Variants in NSDHL observed in about 807,000 individuals in gnomAD.
The protein encoded by NSDHL is sterol-4-alpha-carboxylate 3-dehydrogenase, decarboxylating.
NSDHL carries 1 observed loss-of-function variant against 23.0 expected under a neutral mutation model. The observed-to-expected ratio is 0.04, with a 90% CI of 0.02 to 0.21. NSDHL has a LOEUF of 0.21. Among genes scored for constraint, NSDHL ranks in the 10% least tolerant of loss-of-function variants. The pLI, the probability that NSDHL is intolerant of heterozygous loss-of-function variation, is 1.00. For missense variants in NSDHL, 237 were observed against 300.9 expected (o/e 0.79, Z 1.57); for synonymous variants, 128 against 121.1 (o/e 1.06, Z -0.37).
intron 2 of NSDHL, among the ~76,000 whole-genome samples, chrX:152,848,053 G>A (rs1933301653): frequency 2.7e-5 from 3 of 109,725 alleles, no homozygotes; most frequent in South Asian, 4.0e-4. Context: ...TAGTAGAGAC[G>A]GGATTTCACC....
intron 3 of NSDHL, among the ~76,000 whole-genome samples, chrX:152,855,707 TTCC>T (rs1341443632): frequency 1.8e-5 from 2 of 112,035 alleles, no homozygotes; most frequent in African/African-American, 6.5e-5. Flanking sequence ...CATAGGAGAT[TTCC>T]TCCTCCCTGC....
At chrX:152,847,281 C>T (rs190953712) in intron 2 of NSDHL, among the ~76,000 whole-genome samples, 7 of 112,044 alleles carry the variant, frequency 6.2e-5, no homozygotes, top group Non-Finnish European at 1.3e-4. Flanking sequence ...CCAGCCTGGG[C>T]GACAGAGCGA....
chrX:152,840,318 T>C (rs782095137), intron 1 of NSDHL, among the ~76,000 whole-genome samples: 1 of 112,566 alleles, frequency 8.9e-6, no homozygotes, highest in Admixed American at 9.4e-5. Flanking sequence ...CTTGTCAAAG[T>C]CATTCTCCAT....
In NSDHL at chrX:152,862,641, G is replaced by A. The variant is rs868918302; in HGVS notation, c.460G>A (p.Asp154Asn). The part of the protein sequence containing the change: ...SSASVIFEGV[D>N]IKNGTEDLPY... Reference sequence around the variant, plus strand: ...TGCCAGTGTCATCTTTGAGGGCGTCGATATCAAGAATGGAACTGAAGACCT... The same window carrying A: ...TGCCAGTGTCATCTTTGAGGGCGTCAATATCAAGAATGGAACTGAAGACCT... Residue 154 changes from aspartate (D) to asparagine (N), a missense_variant, in exon 5 of 8, where the codon GAT (aspartate) becomes AAT (asparagine). This residue lies in a region of NSDHL where 39 missense variants were observed against 98.1 expected (regional missense o/e 0.40). Coordinates refer to ENST00000370274, the MANE Select transcript of NSDHL (RefSeq NM_015922.3). The A allele has an allele frequency of 8.3e-6, 10 of 1,201,090 alleles. No individual in the cohort carries two copies. The highest frequency in any genetic ancestry group is 7.0e-5 in the African/African-American group (4 of 56,830).
At chrX:152,864,626 G>A (rs1207793707) in intron 5 of NSDHL, among the ~76,000 whole-genome samples, 3 of 112,209 alleles carry the variant, frequency 2.7e-5, no homozygotes, top group Admixed American at 9.4e-5. Flanking sequence ...CCTTTCAGCC[G>A]AGGTTGACAT....
At chrX:152,848,692 T>A (rs1933311117) in intron 2 of NSDHL, among the ~76,000 whole-genome samples, 1 of 112,141 alleles carries the variant, frequency 8.9e-6, no homozygotes, top group African/African-American at 3.2e-5. Context: ...CATATCTAGT[T>A]CTGACTGTCT....
At chrX:152,843,641 T>TC (rs1167885876) in intron 1 of NSDHL, among the ~76,000 whole-genome samples, 1 of 112,266 alleles carries the variant, frequency 8.9e-6, no homozygotes, top group Non-Finnish European at 1.9e-5. Flanking sequence ...CTACCAGGCC[T>TC]CCAAGGACCT....
intron 7 of NSDHL, 83 bp from the exon 8 acceptor site, chrX:152,868,701 G>T: frequency 3.6e-6 from 3 of 826,760 alleles, no homozygotes; most frequent in South Asian, 2.0e-5. Flanking sequence ...GTGAGAATGC[G>T]ATCTGCACGG....
chrX:152,846,497 G>T, intron 2 of NSDHL, 65 bp downstream of exon 2: 1 of 731,420 alleles, frequency 1.4e-6, no homozygotes. Flanking sequence ...GTGAAAAATT[G>T]TATTTGTACA....
chrX:152,863,628 G>T, intron 5 of NSDHL, among the ~76,000 whole-genome samples: 1 of 112,916 alleles, frequency 8.9e-6, no homozygotes, highest in Non-Finnish European at 1.9e-5. Context: ...TTCAGCCACG[G>T]TCGCTACCAA....
intron 3 of NSDHL, among the ~76,000 whole-genome samples, chrX:152,857,435 G>T (rs891627676): frequency 2.1e-4 from 24 of 112,292 alleles, no homozygotes; most frequent in African/African-American, 7.8e-4. Flanking sequence ...CACTGATGTG[G>T]TATTCTTGCC....
chrX:152,868,456 C>T (rs1189923709), intron 7 of NSDHL, among the ~76,000 whole-genome samples: 2 of 112,175 alleles, frequency 1.8e-5, no homozygotes, highest in African/African-American at 6.5e-5. Context: ...TGATTTAAAA[C>T]AAGCAGAACA....
chrX:152,849,787 A>G (rs781783370), intron 2 of NSDHL, among the ~76,000 whole-genome samples: 2 of 112,904 alleles, frequency 1.8e-5, no homozygotes, highest in Non-Finnish European at 3.7e-5. Context: ...TTGTCCTGCA[A>G]GTATGGAGAC....
At chrX:152,868,453 A>C (rs1569475416) in intron 7 of NSDHL, among the ~76,000 whole-genome samples, 1 of 112,129 alleles carries the variant, frequency 8.9e-6, no homozygotes, top group Non-Finnish European at 1.9e-5. Flanking sequence ...TTTTGATTTA[A>C]AACAAGCAGA....
At chrX:152,846,186 A>G in intron 1 of NSDHL, 96 bp from the exon 2 acceptor site, 1 of 536,429 alleles carries the variant, frequency 1.9e-6, no homozygotes, top group East Asian at 3.5e-5. Flanking sequence ...ATTTGTAAAA[A>G]CATGAACGGG....
intron 1 of NSDHL, among the ~76,000 whole-genome samples, chrX:152,838,668 T>C (rs1179609696): frequency 8.9e-6 from 1 of 112,346 alleles, no homozygotes; most frequent in African/African-American, 3.2e-5. Context: ...AGAGACGGTT[T>C]GTTGTGCTTT....
At chrX:152,867,777 AG>A in intron 7 of NSDHL, 104 bp downstream of exon 7, 1 of 607,655 alleles carries the variant, frequency 1.6e-6, no homozygotes, top group Non-Finnish European at 2.7e-6. Flanking sequence ...TGTATCATGG[AG>A]GATCTGCCTT....
At chrX:152,862,041 A>G (rs960248116) in intron 4 of NSDHL, among the ~76,000 whole-genome samples, 1 of 112,620 alleles carries the variant, frequency 8.9e-6, no homozygotes, top group Non-Finnish European at 1.9e-5. Context: ...AATGGTGTTC[A>G]GTGTTGGATG....
chrX:152,861,216 T>G (rs1277680705), intron 4 of NSDHL, among the ~76,000 whole-genome samples: 1 of 113,211 alleles, frequency 8.8e-6, no homozygotes, highest in Non-Finnish European at 1.9e-5. Context: ...AATTTATGTT[T>G]GCTTATGGTG....
Sources: gnomAD v4.1 joint callset for allele counts (sites outside exome capture counted in the v4.1 genomes callset) on GRCh38, gnomAD v4.1.1 for gene constraint, gnomAD v4.1.1 regional missense constraint, MANE v1.5 for transcripts, NCBI Gene and HGNC (gene_info 2026-07-23, HGNC 2026-07-21) for gene names.